Variants in RANBP2 observed in about 807,000 individuals in gnomAD.
RANBP2 encodes the protein E3 SUMO-protein ligase RanBP2.
A neutral mutation model predicts 303.6 loss-of-function variants in RANBP2; 57 were observed. The ratio of observed to expected loss-of-function variants is 0.19; its 90% CI spans 0.15 to 0.23. The LOEUF is 0.23. Among genes scored for constraint, RANBP2 ranks in the 10% least tolerant of loss-of-function variants. The probability of loss-of-function intolerance (pLI) is 1.00; values close to 1 mark genes in which losing one functional copy is unlikely to be tolerated. For missense variants in RANBP2, 3,138 were observed against 3,780.8 expected, an observed-to-expected ratio of 0.83 and a Z score of 4.46; for synonymous variants, 1,167 against 1,301.5, an observed-to-expected ratio of 0.90 and a Z score of 2.23.
At chr2:109,107,638 G>A in the RANBP2 span, among the ~76,000 whole-genome samples, 7 of 152,214 alleles carry the variant, frequency 4.6e-5, no homozygotes, top group African/African-American at 1.7e-4. Context: ...CAGTCTCAGG[G>A]AGACTGGATC....
the RANBP2 span, among the ~76,000 whole-genome samples, chr2:109,094,027 G>T: frequency 6.6e-6 from 1 of 152,184 alleles, no homozygotes; most frequent in South Asian, 2.1e-4. Flanking sequence ...AAATTACTCC[G>T]CATTACGAGA....
the RANBP2 span, among the ~76,000 whole-genome samples, chr2:109,255,978 C>T: frequency 6.6e-6 from 1 of 152,220 alleles, no homozygotes; most frequent in African/African-American, 2.4e-5. Flanking sequence ...CACCTGTCCC[C>T]TGAGGAAGAT....
chr2:108,917,226 G>A, the RANBP2 span, among the ~76,000 whole-genome samples: 2 of 152,316 alleles, frequency 1.3e-5, no homozygotes, highest in South Asian at 4.1e-4. Context: ...CGCGGCTCGT[G>A]TGGAAGCCAA....
Position 108,731,392 on chromosome 2 carries a change from A to G in RANBP2, c.323A>G (p.Asp108Gly), listed in dbSNP as rs1207203393. The G allele has an allele frequency of 1.2e-6, 2 of 1,611,612 alleles. No individual in the cohort carries two copies. Among genetic ancestry groups the G allele is most frequent in the South Asian group, 2.2e-5 (2 of 90,976 alleles). ...LKIAELLCKNDVTDGRAKYWL... is the reference protein window; with the variant it reads ...LKIAELLCKNGVTDGRAKYWL... ...ATTGCAGAATTGCTTTGTAAAAATGATGTTACTGATGGAAGAGCAAAATAC... is the reference window on the plus strand; with the variant it reads ...ATTGCAGAATTGCTTTGTAAAAATGGTGTTACTGATGGAAGAGCAAAATAC... Residue 108 changes from aspartate (D) to glycine (G), a missense_variant, in exon 4 of 29, where the codon GAT becomes GGT. Physicochemically the swap from Asp to Gly is moderately conservative, Grantham distance 94 (BLOSUM62 -1). Coordinates refer to ENST00000283195, the MANE Select transcript of RANBP2 (RefSeq NM_006267.5).
the RANBP2 span, among the ~76,000 whole-genome samples, chr2:109,619,827 G>A: frequency 6.6e-6 from 1 of 152,130 alleles, no homozygotes; most frequent in Non-Finnish European, 1.5e-5. Flanking sequence ...ATTAATTCCA[G>A]GATTAAATAC....
the RANBP2 span, among the ~76,000 whole-genome samples, chr2:109,248,338 T>C: frequency 1.3e-5 from 2 of 149,790 alleles, no homozygotes; most frequent in East Asian, 3.9e-4. Flanking sequence ...CATACAGATA[T>C]TCTTCTTATT....
At chr2:109,521,553 C>G in the RANBP2 span, among the ~76,000 whole-genome samples, 1 of 152,226 alleles carries the variant, frequency 6.6e-6, no homozygotes, top group Non-Finnish European at 1.5e-5. Flanking sequence ...GGAGCTGGCA[C>G]TCAGTGCATG....
At chr2:109,688,463 C>G in the RANBP2 span, among the ~76,000 whole-genome samples, 1 of 152,132 alleles carries the variant, frequency 6.6e-6, no homozygotes, top group Non-Finnish European at 1.5e-5. Context: ...TCTGTTGGAG[C>G]CCCTACTTTT....
At chr2:109,242,924 G>C in the RANBP2 span, among the ~76,000 whole-genome samples, 1 of 152,222 alleles carries the variant, frequency 6.6e-6, no homozygotes, top group African/African-American at 2.4e-5. Flanking sequence ...TAGGAAATCA[G>C]GAATTGCAGC....
the RANBP2 span, among the ~76,000 whole-genome samples, chr2:109,052,262 C>T: frequency 2.0e-5 from 3 of 152,188 alleles, no homozygotes; most frequent in African/African-American, 4.8e-5. Flanking sequence ...CTCCAGTCAT[C>T]CTAAGAAATG....
the RANBP2 span, among the ~76,000 whole-genome samples, chr2:109,290,072 A>G: frequency 6.6e-6 from 1 of 152,192 alleles, no homozygotes; most frequent in Admixed American, 6.5e-5. Context: ...TAACCAAGGA[A>G]TCTCTCTTGT....
the RANBP2 span, among the ~76,000 whole-genome samples, chr2:109,599,458 C>CAAAAA: frequency 4.7e-5 from 3 of 63,310 alleles, no homozygotes; most frequent in Non-Finnish European, 3.1e-5. Context: ...ACTCAGTCTC[C>CAAAAA]AAAAAAAAAA....
At chr2:108,998,132 A>G in the RANBP2 span, among the ~76,000 whole-genome samples, 1 of 152,084 alleles carries the variant, frequency 6.6e-6, no homozygotes, top group Non-Finnish European at 1.5e-5. Context: ...GGGACCTCCT[A>G]ATTGCTAAAG....
chr2:109,185,007 A>G, the RANBP2 span, among the ~76,000 whole-genome samples: 1 of 152,210 alleles, frequency 6.6e-6, no homozygotes, highest in Admixed American at 6.5e-5. Flanking sequence ...TTGTAGCACC[A>G]CCTACCTGAT....
At chr2:108,777,254 T>G in intron 25 of RANBP2, 23 bp downstream of exon 25, 1 of 1,567,538 alleles carries the variant, frequency 6.4e-7, no homozygotes, top group Non-Finnish European at 8.7e-7. Flanking sequence ...GGAGAGACTT[T>G]TAATGACATT....
At chr2:109,189,526 G>A in the RANBP2 span, among the ~76,000 whole-genome samples, 2 of 151,776 alleles carry the variant, frequency 1.3e-5, no homozygotes, top group African/African-American at 2.4e-5. Flanking sequence ...ACACCACCAC[G>A]CCCAGCTAAT....
chr2:109,131,328 G>A, the RANBP2 span, among the ~76,000 whole-genome samples: 1 of 152,140 alleles, frequency 6.6e-6, no homozygotes, highest in Non-Finnish European at 1.5e-5. Flanking sequence ...CACTGCTGAA[G>A]GGGAATTTTT....
chr2:109,061,592 A>G, the RANBP2 span, among the ~76,000 whole-genome samples: 1 of 152,204 alleles, frequency 6.6e-6, no homozygotes. Flanking sequence ...CACACTCACT[A>G]TATTTCAAAC....
chr2:109,047,955 G>A, the RANBP2 span, among the ~76,000 whole-genome samples: 2 of 152,214 alleles, frequency 1.3e-5, no homozygotes, highest in Admixed American at 1.3e-4. Flanking sequence ...CTGGCCTGTG[G>A]CCCCTCTGCC....
Sources: gnomAD v4.1 joint callset for allele counts (sites outside exome capture counted in the v4.1 genomes callset) on GRCh38, gnomAD v4.1.1 for gene constraint, MANE v1.5 for transcripts, NCBI Gene and HGNC (gene_info 2026-07-23, HGNC 2026-07-21) for gene names.